MACROD2: variants seen among roughly 807,000 people sequenced by gnomAD.
MACROD2 encodes ADP-ribose glycohydrolase MACROD2.
MACROD2 carries 36 observed loss-of-function variants against 70.4 expected under a neutral mutation model. The ratio of observed to expected loss-of-function variants is 0.51; its 90% CI spans 0.39 to 0.68. The LOEUF (loss-of-function observed/expected upper bound fraction) is 0.68. MACROD2 is among the 30% of genes least tolerant of loss of function. MACROD2 has a pLI of 0.00. For missense variants in MACROD2, 496 were observed against 538.4 expected (o/e 0.92, Z 0.78); for synonymous variants, 172 against 178.8 (o/e 0.96, Z 0.30).
At chr20:15,625,328 A>G (rs1293003904) in intron 8 of MACROD2, among the ~76,000 whole-genome samples, 1 of 152,178 alleles carries the variant, frequency 6.6e-6, no homozygotes, top group Non-Finnish European at 1.5e-5. Flanking sequence ...AAGGCCATTA[A>G]TGTGACATGC....
At chr20:15,489,157 G>A (rs908480876) in intron 7 of MACROD2, among the ~76,000 whole-genome samples, 2 of 152,176 alleles carry the variant, frequency 1.3e-5, no homozygotes, top group Admixed American at 1.3e-4. Flanking sequence ...AGTGTCTCAA[G>A]ACCAAAGCTG....
At chr20:14,582,088 A>G (rs963954437) in intron 4 of MACROD2, among the ~76,000 whole-genome samples, 15 of 151,826 alleles carry the variant, frequency 9.9e-5, no homozygotes, top group African/African-American at 3.6e-4. Flanking sequence ...ATCCCATTCA[A>G]CTCTCATTCT....
chr20:15,367,030 A>ATTT (rs35222848), intron 6 of MACROD2, among the ~76,000 whole-genome samples: 31 of 137,294 alleles, frequency 2.3e-4, no homozygotes, highest in African/African-American at 8.3e-4. Context: ...AAAATTACTG[A>ATTT]TTTTTTTTTT....
chr20:14,498,892 T>A (rs1377915587), intron 4 of MACROD2, among the ~76,000 whole-genome samples: 1 of 152,220 alleles, frequency 6.6e-6, no homozygotes, highest in Non-Finnish European at 1.5e-5. Context: ...AGTGATTCTG[T>A]TTCGCTCTTG....
At chr20:14,256,085 G>C (rs899566023) in intron 3 of MACROD2, among the ~76,000 whole-genome samples, 1 of 151,682 alleles carries the variant, frequency 6.6e-6, no homozygotes, top group African/African-American at 2.4e-5. Context: ...TTTTCCTAAG[G>C]GTCTCTTAGA....
intron 5 of MACROD2, among the ~76,000 whole-genome samples, chr20:14,946,644 A>G (rs2074434842): frequency 6.6e-6 from 1 of 152,130 alleles, no homozygotes; most frequent in East Asian, 1.9e-4. Flanking sequence ...AATAAGCAAT[A>G]ATTATTGTAA....
At chr20:15,450,633 G>T in intron 7 of MACROD2, among the ~76,000 whole-genome samples, 1 of 152,178 alleles carries the variant, frequency 6.6e-6, no homozygotes, top group East Asian at 1.9e-4. Context: ...AGGACTTTAT[G>T]ACTTTCTTTT....
At chr20:16,046,032 G>A (rs2067375655) in intron 17 of MACROD2, among the ~76,000 whole-genome samples, 1 of 152,076 alleles carries the variant, frequency 6.6e-6, no homozygotes, top group Non-Finnish European at 1.5e-5. Context: ...AATGAATCAT[G>A]GGTCATCTAG....
chr20:14,334,692 C>A (rs185020666), intron 3 of MACROD2, among the ~76,000 whole-genome samples: 3 of 151,378 alleles, frequency 2.0e-5, no homozygotes, highest in Non-Finnish European at 2.9e-5. Flanking sequence ...GGAGGAAAGA[C>A]GGAGGGGAGA....
intron 9 of MACROD2, among the ~76,000 whole-genome samples, chr20:15,874,284 T>G (rs1405257808): frequency 1.3e-5 from 2 of 152,142 alleles, no homozygotes; most frequent in Non-Finnish European, 2.9e-5. Context: ...ATGGTGTATA[T>G]GTGCCATATT....
At chr20:15,849,524 G>A (rs147472821) in intron 8 of MACROD2, among the ~76,000 whole-genome samples, 14 of 152,260 alleles carry the variant, frequency 9.2e-5, no homozygotes, top group African/African-American at 3.1e-4. Context: ...ACTTGGCATA[G>A]CATTCTCATT....
chr20:14,849,597 C>T (rs189138862), intron 5 of MACROD2, among the ~76,000 whole-genome samples: 8 of 152,082 alleles, frequency 5.3e-5, no homozygotes, highest in Non-Finnish European at 7.4e-5. Context: ...CTGGCCAACA[C>T]GGTGAAACCC....
chr20:14,906,114 C>T (rs930689121), intron 5 of MACROD2: 9 of 152,044 alleles, frequency 5.9e-5, no homozygotes, highest in East Asian at 3.9e-4. Flanking sequence ...AAGAGTAAAA[C>T]GTTATTCTTC....
chr20:15,384,972 CA>C (rs1340093224), intron 6 of MACROD2, among the ~76,000 whole-genome samples: 13 of 152,126 alleles, frequency 8.5e-5, no homozygotes, highest in Non-Finnish European at 1.8e-4. Flanking sequence ...GTGATAATAT[CA>C]CACAGGAAAT....
intron 5 of MACROD2, among the ~76,000 whole-genome samples, chr20:15,120,779 T>C (rs1481549131): frequency 6.6e-6 from 1 of 152,216 alleles, no homozygotes; most frequent in Non-Finnish European, 1.5e-5. Flanking sequence ...TTAACTCTTT[T>C]ACAGTCTTGT....
At chr20:15,813,273 C>A (rs1046567479) in intron 8 of MACROD2, among the ~76,000 whole-genome samples, 1 of 152,198 alleles carries the variant, frequency 6.6e-6, no homozygotes, top group Non-Finnish European at 1.5e-5. Context: ...GTTGCTTACA[C>A]GTCTTGCTAC....
intron 9 of MACROD2, among the ~76,000 whole-genome samples, chr20:15,870,936 T>C (rs527492356): frequency 1.3e-5 from 2 of 152,226 alleles, no homozygotes; most frequent in East Asian, 3.9e-4. Context: ...CCCAGCACTT[T>C]GGGATGCTGA....
intron 3 of MACROD2, among the ~76,000 whole-genome samples, chr20:14,453,081 G>A (rs775210089): frequency 1.3e-5 from 2 of 152,118 alleles, no homozygotes; most frequent in African/African-American, 2.4e-5. Flanking sequence ...GAAATGTGCT[G>A]GAATGTGGAT....
chr20:15,292,229 A>G (rs1430324461), intron 6 of MACROD2, among the ~76,000 whole-genome samples: 1 of 152,124 alleles, frequency 6.6e-6, no homozygotes, highest in Non-Finnish European at 1.5e-5. Context: ...TAGAGGTAAA[A>G]AATTCCAACT....
Sources: allele counts gnomAD v4.1 joint callset (sites outside exome capture counted in the v4.1 genomes callset), GRCh38; gene constraint gnomAD v4.1.1; transcripts MANE v1.5; gene names NCBI Gene and HGNC (gene_info 2026-07-23, HGNC 2026-07-21).